The following TDRD12 variants were observed in gnomAD, a reference collection of about 807,000 sequenced individuals.
TDRD12 encodes the protein putative ATP-dependent RNA helicase TDRD12.
In TDRD12, 158 loss-of-function variants were observed where a neutral mutation model predicts 133.5. The ratio of observed to expected loss-of-function variants is 1.18; its 90% CI spans 1.04 to 1.35. TDRD12 has a LOEUF of 1.35. TDRD12 is among the 40% of genes most tolerant of loss of function. The pLI is 0.00. For synonymous variants in TDRD12, 460 were observed against 477.9 expected, an observed-to-expected ratio of 0.96 and a Z score of 0.49; for missense variants, 1,443 against 1,321.3, an observed-to-expected ratio of 1.09 and a Z score of -1.43.
intron 9 of TDRD12, 84 bp downstream of exon 9, chr19:32,772,934 CA>C: frequency 1.5e-6 from 1 of 687,766 alleles, no homozygotes. Context: ...TATCTGAAAC[CA>C]AAAATATGTT....
At chr19:32,755,949 C>A in intron 6 of TDRD12, 43 bp from the exon 7 acceptor site, 1 of 1,332,794 alleles carries the variant, frequency 7.5e-7, no homozygotes, top group South Asian at 1.7e-5. Flanking sequence ...AATCGCTTGA[C>A]TATATTTGTC....
intron 3 of TDRD12, among the ~76,000 whole-genome samples, chr19:32,742,406 C>T (rs1403694487): frequency 6.6e-6 from 1 of 152,104 alleles, no homozygotes; most frequent in Non-Finnish European, 1.5e-5. Context: ...GGTGATCTGC[C>T]TAACTCGGCC....
intron 22 of TDRD12, among the ~76,000 whole-genome samples, chr19:32,809,801 A>T (rs1358080444): frequency 6.6e-6 from 1 of 152,276 alleles, no homozygotes; most frequent in African/African-American, 2.4e-5. Flanking sequence ...ATAAAAGTGC[A>T]GTTAGAAGGT....
At chr19:32,785,114 G>C (rs1363798725) in intron 11 of TDRD12, among the ~76,000 whole-genome samples, 1 of 151,668 alleles carries the variant, frequency 6.6e-6, no homozygotes, top group Non-Finnish European at 1.5e-5. Context: ...TTTCCCTTGT[G>C]GGCATTTAGT....
intron 1 of TDRD12, among the ~76,000 whole-genome samples, chr19:32,722,979 C>T (rs1968735841): frequency 6.6e-6 from 1 of 151,908 alleles, no homozygotes; most frequent in Admixed American, 6.6e-5. Context: ...TGCACCTGGC[C>T]CCCCCATGTA....
chr19:32,722,722 C>G (rs1968726448), intron 1 of TDRD12, among the ~76,000 whole-genome samples: 1 of 149,718 alleles, frequency 6.7e-6, no homozygotes, highest in Non-Finnish European at 1.5e-5. Flanking sequence ...CTCTGTTGCC[C>G]AGGCTGGAGT....
chr19:32,790,914 G>A lies in TDRD12; in HGVS notation c.1183-50G>A, dbSNP rs1208036782. 4 of 1,517,752 alleles carry A rather than the reference G, an allele frequency of 2.6e-6. No individual in the cohort carries two copies. In the African/African-American group the frequency reaches 5.6e-5, roughly 21 times the overall value. The allele number at this position is 1,517,752 out of a possible 1,614,324, so 94.0% of individuals were successfully genotyped here. Reference sequence around the variant, plus strand: ...TTCTGTGAAGTTCTTGATCTCCTGTGCTGACGCCTCAGGGCAGACACTGGT... The same window carrying A: ...TTCTGTGAAGTTCTTGATCTCCTGTACTGACGCCTCAGGGCAGACACTGGT... On this transcript the variant is annotated intron_variant, in intron 12 of 27. Transcript: ENST00000444215.
rs111270027 is a variant in TDRD12, at chr19:32,791,006, C to A, written c.1225C>A (p.Arg409=). The A allele has an allele frequency of 4.4e-5, 68 of 1,536,086 alleles. 1 individual carries two copies. The African/African-American group carries it at 7.0e-4, about 16-fold the overall frequency. ...CCTGCAGCCGCCCGTGGTAGTGCTC[C>A]GGAACAAGATCAAGCCCTGCTTAAC... Residue 409 remains arginine, a synonymous_variant, in exon 13 of 28, where the codon CGG becomes AGG. Transcript: ENST00000444215.
chr19:32,769,916 A>G (rs577012419), intron 8 of TDRD12, among the ~76,000 whole-genome samples: 230 of 151,936 alleles, frequency 1.5e-3, no homozygotes, highest in African/African-American at 5.1e-3. Context: ...GATTATAGGC[A>G]TGAGCCACTG....
At chr19:32,787,757 G>T (rs1192925061) in intron 11 of TDRD12, among the ~76,000 whole-genome samples, 4 of 152,228 alleles carry the variant, frequency 2.6e-5, no homozygotes, top group African/African-American at 9.6e-5. Context: ...CCAGGCACAG[G>T]AGGGAATCTC....
rs978540804 is a variant in TDRD12 at position 32,827,309 on chromosome 19, A to G, written c.*143A>G. ...TGGAAGATGTTGAACAAAAATGGATATTGCCATGTGACCGACAGTTAAGAA... is the reference window on the plus strand; with the variant it reads ...TGGAAGATGTTGAACAAAAATGGATGTTGCCATGTGACCGACAGTTAAGAA... On this transcript the variant is annotated 3_prime_UTR_variant, in exon 10 of 10. Coordinates refer to the TDRD12 transcript ENST00000637289. 3 of 1,125,288 alleles carry G rather than the reference A, an allele frequency of 2.7e-6. No homozygotes were observed. In the South Asian group the frequency reaches 1.3e-4, roughly 50 times the overall value. The allele number at this position is 1,125,288 out of a possible 1,614,324, so 69.7% of individuals were successfully genotyped here.
At chr19:32,725,564 A>G (rs986422046) in intron 1 of TDRD12, among the ~76,000 whole-genome samples, 3 of 151,946 alleles carry the variant, frequency 2.0e-5, no homozygotes, top group Non-Finnish European at 4.4e-5. Flanking sequence ...ATTCTGTTAC[A>G]TTGGTCTATG....
downstream of TDRD12, among the ~76,000 whole-genome samples, chr19:32,824,977 C>G (rs181958257): frequency 6.6e-6 from 1 of 152,182 alleles, no homozygotes; most frequent in Admixed American, 6.5e-5. Flanking sequence ...TGTTCTTGTT[C>G]GCGTTCAGTG....
At chr19:32,768,089 A>C (rs12610378) in intron 8 of TDRD12, among the ~76,000 whole-genome samples, 1 of 151,970 alleles carries the variant, frequency 6.6e-6, no homozygotes, top group South Asian at 2.1e-4. Context: ...CTGCTTTTGC[A>C]CTGTCAGAGC....
At chr19:32,785,907 T>C (rs763280729) in intron 11 of TDRD12, among the ~76,000 whole-genome samples, 6 of 152,190 alleles carry the variant, frequency 3.9e-5, no homozygotes, top group African/African-American at 7.2e-5. Context: ...TGTCTTTTAA[T>C]TGGGGGCATT....
At chr19:32,778,153 TG>T (rs1296719390) in intron 11 of TDRD12, among the ~76,000 whole-genome samples, 5 of 151,936 alleles carry the variant, frequency 3.3e-5, no homozygotes, top group Non-Finnish European at 7.4e-5. Context: ...TGGTTGGCCT[TG>T]GGGGTTGGAG....
At chr19:32,800,679 T>C in exon 18 of TDRD12, 4 of 1,535,726 alleles carry the variant, frequency 2.6e-6, no homozygotes, top group Non-Finnish European at 3.5e-6. Context: ...AAAAAACTTC[T>C]TCTTTACTCC....
rs1252122540 is a variant in TDRD12, at chr19:32,722,360, T to C, written c.24+2264T>C. ...TCCTCTCAGTTGGGCCCAGGAACTC[T>C]TTCATTTACCTGCTCAACTCTGATC... is the stretch of plus-strand genomic sequence containing the variant. On this transcript the variant is annotated intron_variant, in intron 1 of 27. Transcript: ENST00000444215. 2.0e-5 allele frequency among the ~76,000 whole-genome samples: 3 copies of C among 152,116 alleles called. No individual in the cohort carries two copies. The East Asian group carries it at 5.8e-4, about 29-fold the overall frequency.
At chr19:32,759,969 T>C (rs1246350148) in intron 8 of TDRD12, among the ~76,000 whole-genome samples, 1 of 152,240 alleles carries the variant, frequency 6.6e-6, no homozygotes, top group Non-Finnish European at 1.5e-5. Flanking sequence ...CTGCCCCAGA[T>C]TCTGATATGC....
Sources: allele counts gnomAD v4.1 joint callset (sites outside exome capture counted in the v4.1 genomes callset), GRCh38; gene constraint gnomAD v4.1.1; transcripts MANE v1.5; gene names NCBI Gene and HGNC (gene_info 2026-07-23, HGNC 2026-07-21).